Variants in TLCD4 observed in about 807,000 individuals in gnomAD.
TLCD4 encodes TLC domain-containing protein 4.
In TLCD4, 7 loss-of-function variants were observed where a neutral mutation model predicts 24.2. That is an observed-to-expected ratio of 0.29 (90% CI 0.16 to 0.54). The LOEUF is 0.54. TLCD4 is among the 20% of genes least tolerant of loss of function. The pLI is 0.95. For missense variants in TLCD4, 259 were observed against 313.9 expected (o/e 0.82, Z 1.32); for synonymous variants, 103 against 106.4 (o/e 0.97, Z 0.20).
the TLCD4 span, among the ~76,000 whole-genome samples, chr1:95,107,401 C>T: frequency 6.6e-5 from 10 of 152,022 alleles, no homozygotes; most frequent in African/African-American, 1.2e-4. Context: ...TCAGCCTGGG[C>T]GACAGAGCAA....
At chr1:95,125,389 G>A (rs1464421009) in intron 1 of TLCD4, 1 of 152,216 alleles carries the variant, frequency 6.6e-6, no homozygotes, top group Non-Finnish European at 1.5e-5. Flanking sequence ...GAATCAGGTA[G>A]ATAAGTATCA....
the TLCD4 span, among the ~76,000 whole-genome samples, chr1:95,100,227 C>A: frequency 1.3e-5 from 2 of 152,192 alleles, no homozygotes; most frequent in South Asian, 4.2e-4. Context: ...GTAACACACT[C>A]AAAGTCATAT....
chr1:95,148,764 A>T lies in TLCD4; in HGVS notation c.218A>T (p.Asp73Val). The change falls in exon 3 of 7, where the codon GAT (aspartate) becomes GTT (valine). Residue 73 changes from aspartate (D) to valine (V), a missense_variant. Asp to Val is a radical substitution (Grantham distance 152). Transcript: ENST00000370203. ...TTTGGCCTGTACATTTTCTTATTCG[A>T]TGAGGCTACTAAAGCTGATCCACTT... ...GIFGLYIFLF[D>V]EATKADPLWG... The T allele has an allele frequency of 6.2e-7, 1 of 1,613,676 alleles. No individual in the cohort carries two copies. Among genetic ancestry groups the T allele is most frequent in the South Asian group, 1.1e-5 (1 of 91,066 alleles).
At chr1:95,167,502 A>G (rs189599879) in intron 5 of TLCD4, among the ~76,000 whole-genome samples, 51 of 152,238 alleles carry the variant, frequency 3.4e-4, no homozygotes, top group African/African-American at 1.0e-3. Flanking sequence ...ATAATGTAAG[A>G]GAGTCTTGGA....
At chr1:95,117,012 A>C (rs1352857924), upstream of TLCD4, among the ~76,000 whole-genome samples, 2 of 152,224 alleles carry the variant, frequency 1.3e-5, no homozygotes, top group Non-Finnish European at 2.9e-5. Context: ...GTATTTGAGC[A>C]TTTAAGGCAG....
chr1:95,180,640 C>T (rs139496888), intron 6 of TLCD4, among the ~76,000 whole-genome samples: 1,612 of 152,262 alleles, frequency 0.011, 37 homozygotes, highest in African/African-American at 0.037. Flanking sequence ...TATGCCCACA[C>T]GCAGGTTTCT....
At chr1:95,114,827 A>C (rs1251994542), upstream of TLCD4, among the ~76,000 whole-genome samples, 18 of 151,994 alleles carry the variant, frequency 1.2e-4, no homozygotes, top group Admixed American at 1.0e-3. Context: ...CTCTGTCTCA[A>C]AGAAAAAAAA....
At chr1:95,099,763 A>C in the TLCD4 span, among the ~76,000 whole-genome samples, 12 of 152,270 alleles carry the variant, frequency 7.9e-5, no homozygotes, top group African/African-American at 2.4e-4. Context: ...GGTACTCATT[A>C]ACTCATTCAA....
intron 5 of TLCD4, among the ~76,000 whole-genome samples, chr1:95,169,637 T>C (rs1678140579): frequency 3.7e-3 from 1 of 268 alleles, no homozygotes; most frequent in African/African-American, 5.3e-3. Flanking sequence ...ACTTCATGAT[T>C]TTTTTTTTAT....
At chr1:95,128,681 C>G (rs1676807249) in intron 1 of TLCD4, among the ~76,000 whole-genome samples, 1 of 152,162 alleles carries the variant, frequency 6.6e-6, no homozygotes, top group Non-Finnish European at 1.5e-5. Flanking sequence ...CAACAGAACT[C>G]TTTTGCTCCC....
At chr1:95,173,692 C>A in intron 5 of TLCD4, 124 bp from the exon 6 acceptor site, 1 of 1,234,020 alleles carries the variant, frequency 8.1e-7, no homozygotes. Flanking sequence ...AGGTAGAAAA[C>A]TTCTTGATCT....
chr1:95,115,374 C>T (rs1241537099), upstream of TLCD4, among the ~76,000 whole-genome samples: 2 of 152,090 alleles, frequency 1.3e-5, no homozygotes, highest in African/African-American at 2.4e-5. Flanking sequence ...TCCCAAAGTG[C>T]TGGGATTACA....
intron 2 of TLCD4, among the ~76,000 whole-genome samples, chr1:95,147,210 A>T (rs1362242055): frequency 6.6e-6 from 1 of 151,706 alleles, no homozygotes; most frequent in East Asian, 1.9e-4. Context: ...AGTAGCTGGG[A>T]TTACAGGTGT....
chr1:95,125,630 G>T (rs560613093), intron 1 of TLCD4: 1 of 152,292 alleles, frequency 6.6e-6, no homozygotes, highest in South Asian at 2.1e-4. Context: ...GTGGACCTTA[G>T]GTAACAAAAG....
rs1022338626 is a variant in TLCD4, at chr1:95,183,388, C to T, written c.474-8162C>T. Among the ~76,000 whole-genome samples the T allele has an allele frequency of 3.3e-5, 5 of 151,440 alleles. No individual in the cohort carries two copies. The East Asian group carries it at 5.8e-4, about 18-fold the overall frequency. On this transcript the variant is annotated intron_variant, in intron 6 of 6. Transcript: ENST00000370203. ...TTAGGAAGACTGAGAGGGAAGGTGA[C>T]GAATTTAGTGCGGAGATATTGGATA...
At chr1:95,140,496 G>A (rs77817666) in intron 1 of TLCD4, among the ~76,000 whole-genome samples, 13,488 of 152,224 alleles carry the variant, frequency 0.089, 668 homozygotes, top group African/African-American at 0.11. Flanking sequence ...GTCAATTAAA[G>A]TTTATGTAAA....
chr1:95,110,876 A>T, the TLCD4 span, among the ~76,000 whole-genome samples: 1 of 152,054 alleles, frequency 6.6e-6, no homozygotes, highest in Admixed American at 6.6e-5. Context: ...TAAAAAAAAA[A>T]AAAAAAAAGG....
At chr1:95,121,164 G>T (rs1198531661) in intron 1 of TLCD4, 1 of 152,242 alleles carries the variant, frequency 6.6e-6, no homozygotes, top group African/African-American at 2.4e-5. Context: ...AAGGAAACGT[G>T]CAAGGAGTGA....
intron 1 of TLCD4, among the ~76,000 whole-genome samples, chr1:95,127,201 TAAG>T (rs1676764357): frequency 6.6e-6 from 1 of 152,288 alleles, no homozygotes; most frequent in East Asian, 1.9e-4. Flanking sequence ...GCATTCATCT[TAAG>T]AACCCAACAA....
Sources: gnomAD v4.1 joint callset for allele counts (sites outside exome capture counted in the v4.1 genomes callset) on GRCh38, gnomAD v4.1.1 for gene constraint, MANE v1.5 for transcripts, NCBI Gene and HGNC (gene_info 2026-07-23, HGNC 2026-07-21) for gene names.